Variants in XKR6 observed in about 807,000 individuals in gnomAD.
XKR6 encodes the protein XK related 6.
A neutral mutation model predicts 56.7 loss-of-function variants in XKR6; 22 were observed. The ratio of observed to expected loss-of-function variants is 0.39; its 90% CI spans 0.28 to 0.55. The LOEUF (loss-of-function observed/expected upper bound fraction) is 0.55. Among genes scored for constraint, XKR6 ranks in the 20% least tolerant of loss-of-function variants. The probability of loss-of-function intolerance (pLI) is 0.66; values close to 1 mark genes in which losing one functional copy is unlikely to be tolerated. For missense variants in XKR6, 852 were observed against 889.0 expected (o/e 0.96, Z 0.53); for synonymous variants, 524 against 387.8 (o/e 1.35, Z -4.13).
At chr8:11,052,183 G>A (rs529433986) in intron 1 of XKR6, among the ~76,000 whole-genome samples, 4 of 151,968 alleles carry the variant, frequency 2.6e-5, no homozygotes, top group East Asian at 3.9e-4. Context: ...GGGGAGCTGC[G>A]CTTGGGGTCT....
intron 1 of XKR6, among the ~76,000 whole-genome samples, chr8:10,970,510 T>C (rs1477552675): frequency 6.6e-6 from 1 of 152,026 alleles, no homozygotes; most frequent in Non-Finnish European, 1.5e-5. Context: ...GATCTGCACA[T>C]GAAACTGTCA....
chr8:10,911,013 C>T (rs1367319832), intron 2 of XKR6, among the ~76,000 whole-genome samples: 1 of 152,088 alleles, frequency 6.6e-6, no homozygotes, highest in Non-Finnish European at 1.5e-5. Flanking sequence ...CCAGAAGTGG[C>T]TGTGTTTTGA....
At chr8:11,032,990 G>T (rs368246221) in intron 1 of XKR6, among the ~76,000 whole-genome samples, 2 of 152,156 alleles carry the variant, frequency 1.3e-5, no homozygotes, top group East Asian at 3.8e-4. Flanking sequence ...GGTGATGGTT[G>T]TGATGATGAA....
intron 1 of XKR6, among the ~76,000 whole-genome samples, chr8:10,981,183 G>C (rs998605731): frequency 7.9e-5 from 12 of 152,204 alleles, no homozygotes; most frequent in African/African-American, 2.4e-4. Flanking sequence ...GCAATACTGA[G>C]AGATGGGCAG....
intron 1 of XKR6, among the ~76,000 whole-genome samples, chr8:11,187,328 T>C (rs1803325429): frequency 6.6e-6 from 1 of 152,168 alleles, no homozygotes; most frequent in South Asian, 2.1e-4. Context: ...CACTTAACCT[T>C]GAAACACTAT....
chr8:10,928,724 G>A (rs969088850), intron 1 of XKR6, among the ~76,000 whole-genome samples: 9 of 152,194 alleles, frequency 5.9e-5, no homozygotes, highest in East Asian at 1.9e-4. Flanking sequence ...GGTGCGCTCC[G>A]AGGGGGGAAC....
chr8:11,062,378 AG>A (rs527418461), intron 1 of XKR6, among the ~76,000 whole-genome samples: 26 of 152,314 alleles, frequency 1.7e-4, no homozygotes, highest in African/African-American at 6.0e-4. Context: ...ATCTCCTCCT[AG>A]GTTGATGCCT....
intron 2 of XKR6, among the ~76,000 whole-genome samples, chr8:10,911,353 G>GACA (rs1800358429): frequency 6.9e-6 from 1 of 144,016 alleles, no homozygotes. Flanking sequence ...GTGTGTGTGT[G>GACA]TGTATATATA....
chr8:10,963,175 C>T (rs887200379), intron 1 of XKR6, among the ~76,000 whole-genome samples: 9 of 152,218 alleles, frequency 5.9e-5, no homozygotes, highest in South Asian at 4.1e-4. Flanking sequence ...CCCACTTCCC[C>T]GCTGGCCTTC....
intron 2 of XKR6, among the ~76,000 whole-genome samples, chr8:10,913,435 C>T (rs529319540): frequency 6.6e-6 from 1 of 152,080 alleles, no homozygotes; most frequent in Non-Finnish European, 1.5e-5. Context: ...GCCGTGAGTG[C>T]CCTGGGAGAC....
At position 11,000,558 on chromosome 8, in the gene XKR6, G is replaced by A. The variant is rs1009239557; in HGVS notation, c.765-75728C>T. On this transcript the variant is annotated intron_variant, in intron 1 of 2. Coordinates refer to ENST00000416569, the MANE Select transcript of XKR6 (RefSeq NM_173683.4). ...AAATTAGCCAGGCACAGTGGCACAC[G>A]CCTGTAGTCCCAGCTACTCGGGAGG... 3.9e-5 allele frequency among the ~76,000 whole-genome samples: 6 copies of A among 152,196 alleles called. No individual in the cohort carries two copies. In the South Asian group the frequency reaches 8.3e-4, roughly 21 times the overall value.
chr8:11,146,444 G>A (rs919514786), intron 1 of XKR6, among the ~76,000 whole-genome samples: 26 of 152,128 alleles, frequency 1.7e-4, no homozygotes, highest in African/African-American at 5.8e-4. Flanking sequence ...TGGGCAACAC[G>A]GCGAAACGCC....
chr8:10,977,220 A>G (rs917397904), intron 1 of XKR6, among the ~76,000 whole-genome samples: 1 of 152,030 alleles, frequency 6.6e-6, no homozygotes, highest in Non-Finnish European at 1.5e-5. Flanking sequence ...TTTTACTAAG[A>G]TGGAACCCAG....
At chr8:11,121,595 A>C (rs901109831) in intron 1 of XKR6, among the ~76,000 whole-genome samples, 7 of 152,226 alleles carry the variant, frequency 4.6e-5, no homozygotes, top group Admixed American at 1.3e-4. Flanking sequence ...TGGGACTGTA[A>C]ACTAGTTCAA....
At chr8:10,959,783 T>A (rs1047461199) in intron 1 of XKR6, among the ~76,000 whole-genome samples, 4 of 152,122 alleles carry the variant, frequency 2.6e-5, no homozygotes, top group Admixed American at 2.6e-4. Flanking sequence ...AGAGGAACAA[T>A]CCTCTGAGAA....
intron 1 of XKR6, among the ~76,000 whole-genome samples, chr8:10,982,821 C>G (rs987607664): frequency 2.0e-5 from 3 of 152,082 alleles, no homozygotes; most frequent in Admixed American, 6.6e-5. Context: ...AGGACAAGAA[C>G]GTATTCAGAG....
intron 1 of XKR6, among the ~76,000 whole-genome samples, chr8:10,956,897 G>A (rs1288646078): frequency 1.3e-5 from 2 of 152,152 alleles, no homozygotes; most frequent in African/African-American, 4.8e-5. Context: ...CTTAAAATGT[G>A]TACCCTGGCA....
At chr8:11,000,668 G>C (rs1259873206) in intron 1 of XKR6, among the ~76,000 whole-genome samples, 1 of 152,172 alleles carries the variant, frequency 6.6e-6, no homozygotes, top group Non-Finnish European at 1.5e-5. Context: ...CTGGGCAAGA[G>C]AGCCAGACTC....
chr8:11,055,802 G>C (rs533008116), intron 1 of XKR6, among the ~76,000 whole-genome samples: 2 of 151,120 alleles, frequency 1.3e-5, no homozygotes, highest in South Asian at 2.1e-4. Flanking sequence ...ACTGCACAGG[G>C]AGGAAAGCCA....
Sources: allele counts gnomAD v4.1 joint callset (sites outside exome capture counted in the v4.1 genomes callset), GRCh38; gene constraint gnomAD v4.1.1; transcripts MANE v1.5; gene names NCBI Gene and HGNC (gene_info 2026-07-23, HGNC 2026-07-21).